Variants in CCDC125 observed in about 807,000 individuals in gnomAD.
CCDC125 encodes the protein coiled-coil domain-containing protein 125.
Under a neutral mutation model 57.4 loss-of-function variants are expected in CCDC125, and 43 were observed. The ratio of observed to expected loss-of-function variants is 0.75; its 90% CI spans 0.59 to 0.97. The LOEUF is 0.97. Ranked by LOEUF, CCDC125 falls within the 50% of genes least tolerant of loss-of-function variation. The pLI is 0.00. For missense variants in CCDC125, 563 were observed against 595.7 expected (o/e 0.95, Z 0.57); for synonymous variants, 187 against 195.2 (o/e 0.96, Z 0.35).
intron 2 of CCDC125, among the ~76,000 whole-genome samples, chr5:69,315,806 T>A (rs2150562270): frequency 6.6e-6 from 1 of 151,306 alleles, no homozygotes; most frequent in South Asian, 2.1e-4. Context: ...TAAATTTAAT[T>A]TCTTTCCAAA....
rs371485940 is a variant in CCDC125 at position 69,297,473 on chromosome 5, C to T, written c.816+2539G>A. On this transcript the variant is annotated intron_variant, in intron 8 of 11. Transcript: ENST00000396496. ...CTCCCAGGTTCAAGCAATTCTCCTG[C>T]CTCAGCCTCCCAAGTAGCTGGGATT... Among the ~76,000 whole-genome samples the T allele has an allele frequency of 3.7e-4, 57 of 152,034 alleles. 1 individual carries two copies. Among genetic ancestry groups the T allele is most frequent in the African/African-American group, 1.3e-3 (53 of 41,502 alleles).
At chr5:69,302,377 C>T (rs1284802206) in intron 7 of CCDC125, among the ~76,000 whole-genome samples, 3 of 116,562 alleles carry the variant, frequency 2.6e-5, no homozygotes, top group East Asian at 2.9e-4. Flanking sequence ...GCCAAGATGG[C>T]GTCACAGCAC....
chr5:69,324,673 A>AT (rs1184415262), intron 1 of CCDC125, among the ~76,000 whole-genome samples: 2 of 152,226 alleles, frequency 1.3e-5, no homozygotes, highest in African/African-American at 4.8e-5. Context: ...CATGCAATGC[A>AT]TTTCCGATAT....
At chr5:69,327,086 T>C (rs1275949050) in intron 1 of CCDC125, among the ~76,000 whole-genome samples, 1 of 133,518 alleles carries the variant, frequency 7.5e-6, no homozygotes, top group Non-Finnish European at 1.6e-5. Context: ...TGACTGTATA[T>C]TCTCCCACTT....
intron 8 of CCDC125, among the ~76,000 whole-genome samples, chr5:69,299,069 A>G (rs960994632): frequency 1.3e-5 from 2 of 150,410 alleles, no homozygotes; most frequent in African/African-American, 4.9e-5. Context: ...CTATGCAGGT[A>G]TTTGCTATTA....
chr5:69,323,288 G>A (rs902112078), intron 1 of CCDC125, among the ~76,000 whole-genome samples: 2 of 150,658 alleles, frequency 1.3e-5, no homozygotes, highest in Non-Finnish European at 2.9e-5. Flanking sequence ...TAGCCTGGGC[G>A]ACAGAGAAAG....
At chr5:69,286,522 C>T (rs1027664741) in intron 10 of CCDC125, among the ~76,000 whole-genome samples, 3 of 151,696 alleles carry the variant, frequency 2.0e-5, no homozygotes, top group African/African-American at 4.8e-5. Context: ...CGTGAGCCAC[C>T]GCGCCCGGCC....
At chr5:69,287,348 C>CT (rs1179473121) in intron 10 of CCDC125, among the ~76,000 whole-genome samples, 1 of 151,282 alleles carries the variant, frequency 6.6e-6, no homozygotes, top group Non-Finnish European at 1.5e-5. Flanking sequence ...ACCACAACCT[C>CT]TGCCTCCCGG....
At chr5:69,311,762 C>G (rs573888480) in intron 3 of CCDC125, among the ~76,000 whole-genome samples, 1 of 150,706 alleles carries the variant, frequency 6.6e-6, no homozygotes, top group Non-Finnish European at 1.5e-5. Context: ...GAGACAGAGT[C>G]TCACTCTGTC....
intron 1 of CCDC125, among the ~76,000 whole-genome samples, chr5:69,331,009 A>T (rs536507296): frequency 1.8e-4 from 27 of 151,762 alleles, no homozygotes; most frequent in South Asian, 1.0e-3. Flanking sequence ...TTTCCTTTTT[A>T]AAAAAAATGT....
chr5:69,328,997 G>A (rs1338843416), intron 1 of CCDC125, among the ~76,000 whole-genome samples: 1 of 151,036 alleles, frequency 6.6e-6, no homozygotes, highest in Non-Finnish European at 1.5e-5. Flanking sequence ...GTTTCACCGT[G>A]TTAAGCAGGA....
intron 10 of CCDC125, among the ~76,000 whole-genome samples, chr5:69,287,870 A>G (rs923390823): frequency 4.0e-5 from 6 of 151,608 alleles, no homozygotes; most frequent in African/African-American, 1.2e-4. Context: ...TGCCCTGCCT[A>G]TATCAATTAT....
chr5:69,319,919 G>C (rs1043829609), intron 2 of CCDC125, among the ~76,000 whole-genome samples: 6 of 152,008 alleles, frequency 3.9e-5, no homozygotes, highest in Non-Finnish European at 7.4e-5. Flanking sequence ...TCAGGAGTTT[G>C]AGACCAGTCT....
At chr5:69,298,153 T>C (rs868411285) in intron 8 of CCDC125, among the ~76,000 whole-genome samples, 3 of 151,730 alleles carry the variant, frequency 2.0e-5, no homozygotes, top group Non-Finnish European at 2.9e-5. Flanking sequence ...GTAGCTGGGA[T>C]TACAGGCATA....
chr5:69,306,938 C>T (rs781744529), intron 5 of CCDC125, 36 bp from the exon 6 acceptor site: 1 of 1,457,728 alleles, frequency 6.9e-7, no homozygotes, highest in South Asian at 1.6e-5. Context: ...TGGCAAATTA[C>T]TACAAATAAA....
At chr5:69,332,529 G>A (rs915995131) in intron 1 of CCDC125, 120 bp downstream of exon 1, 3 of 152,192 alleles carry the variant, frequency 2.0e-5, no homozygotes, top group South Asian at 4.1e-4. Flanking sequence ...CTTATCAGAC[G>A]AGGCCATTAA....
chr5:69,283,006 T>G lies in CCDC125; in HGVS notation c.1259A>C (p.His420Pro), dbSNP rs757616378. Residue 420 changes from histidine to proline, a missense_variant, in exon 12 of 12, where the codon CAT (histidine) becomes CCT (proline). Transcript: ENST00000396496. ...AAGCATGTAGCTAACTTTTCTTTGA[T>G]GAGCCAAAGCTTCTTCTTTATCATT... Reference protein sequence around the residue: ...LLNDKEEALAHQRKVSYMLAR... With the variant: ...LLNDKEEALAPQRKVSYMLAR... The G allele has an allele frequency of 6.2e-7, 1 of 1,604,498 alleles. No individual in the cohort carries two copies. Among genetic ancestry groups the G allele is most frequent in the Non-Finnish European group, 8.5e-7 (1 of 1,176,588 alleles).
At chr5:69,284,952 C>A (rs769131969) in intron 11 of CCDC125, among the ~76,000 whole-genome samples, 7 of 152,022 alleles carry the variant, frequency 4.6e-5, no homozygotes, top group Non-Finnish European at 1.0e-4. Flanking sequence ...ACAAAATTAG[C>A]CAGGCGTGGT....
At chr5:69,318,971 C>T (rs1759591080) in intron 2 of CCDC125, among the ~76,000 whole-genome samples, 1 of 150,322 alleles carries the variant, frequency 6.7e-6, no homozygotes, top group African/African-American at 2.5e-5. Flanking sequence ...CAAAGTCTTG[C>T]TCTGTTGCCC....
Sources: gnomAD v4.1 joint callset for allele counts (sites outside exome capture counted in the v4.1 genomes callset) on GRCh38, gnomAD v4.1.1 for gene constraint, MANE v1.5 for transcripts, NCBI Gene and HGNC (gene_info 2026-07-23, HGNC 2026-07-21) for gene names.